STPG2: variants seen among roughly 807,000 people sequenced by gnomAD.
STPG2 encodes sperm tail PG-rich repeat containing 2.
In STPG2, 56 loss-of-function variants were observed where a neutral mutation model predicts 54.2. The observed-to-expected ratio is 1.03, with a 90% CI of 0.83 to 1.29. The LOEUF (loss-of-function observed/expected upper bound fraction) is 1.29, where lower values mean the gene tolerates loss of function less well. Among genes scored for constraint, STPG2 ranks in the 50% most tolerant of loss-of-function variants. The probability of loss-of-function intolerance (pLI) is 0.00; values close to 1 mark genes in which losing one functional copy is unlikely to be tolerated. For missense variants in STPG2, 596 were observed against 544.9 expected (o/e 1.09, Z -0.93); for synonymous variants, 200 against 181.8 (o/e 1.10, Z -0.81).
At position 98,134,459 on chromosome 4, in the gene STPG2, C is replaced by T; in HGVS notation, c.110G>A (p.Gly37Asp). The change falls in exon 2 of 11, where the codon GGT (glycine) becomes GAT (aspartate). Residue 37 changes from glycine to aspartate, a missense_variant and splice_region_variant. By Grantham distance (94) the Gly-to-Asp change is moderately conservative. Coordinates refer to ENST00000295268, the MANE Select transcript of STPG2 (RefSeq NM_174952.3). ...CAAAGAAAGAAATGGTGCATTACTA[C>T]CTATAAAAATAAAATCATATGACCA... ...QVPFLKQQAT[G>D]SNAPFLSLTA... 2 of 1,548,156 alleles carry T rather than the reference C, an allele frequency of 1.3e-6. No homozygotes were observed. Among genetic ancestry groups the T allele is most frequent in the Admixed American group, 3.7e-5 (2 of 53,700 alleles).
At chr4:97,940,316 T>A (rs1002721596) in intron 8 of STPG2, among the ~76,000 whole-genome samples, 1 of 152,210 alleles carries the variant, frequency 6.6e-6, no homozygotes, top group South Asian at 2.1e-4. Context: ...AGAAGTTATC[T>A]GTATTTTCTG....
chr4:97,653,155 T>A (rs569272753), intron 10 of STPG2, among the ~76,000 whole-genome samples: 1 of 152,094 alleles, frequency 6.6e-6, no homozygotes, highest in East Asian at 1.9e-4. Context: ...TCAGATTCAC[T>A]TCTATAGGCA....
At chr4:97,666,579 T>C (rs1310499494) in intron 10 of STPG2, among the ~76,000 whole-genome samples, 4 of 152,186 alleles carry the variant, frequency 2.6e-5, no homozygotes, top group African/African-American at 9.6e-5. Flanking sequence ...TCAAACATAT[T>C]TCCATTCTTC....
intron 8 of STPG2, among the ~76,000 whole-genome samples, chr4:97,915,454 G>A (rs914832656): frequency 6.6e-6 from 1 of 152,042 alleles, no homozygotes; most frequent in African/African-American, 2.4e-5. Flanking sequence ...CTCACATCTT[G>A]GATTCAGAGG....
At chr4:97,732,720 AG>A (rs1426714413) in intron 9 of STPG2, among the ~76,000 whole-genome samples, 1 of 151,800 alleles carries the variant, frequency 6.6e-6, no homozygotes, top group Non-Finnish European at 1.5e-5. Context: ...GAATCTAAAA[AG>A]AATTCAAACA....
rs551335385 is a variant in STPG2, at chr4:97,613,500, G to A, written c.1321-54383C>T. ...CGTGTGTGTGTGTGTGTGTGTGTGT[G>A]TGTGTGTGTGTGTGTGTGTATGCAC... On this transcript the variant is annotated intron_variant, in intron 10 of 10. Coordinates refer to ENST00000295268, the MANE Select transcript of STPG2 (RefSeq NM_174952.3). 8.5e-4 allele frequency among the ~76,000 whole-genome samples: 128 copies of A among 151,260 alleles called. No homozygotes were observed. The South Asian group carries it at 9.8e-3, about 12-fold the overall frequency.
intron 9 of STPG2, among the ~76,000 whole-genome samples, chr4:97,772,707 A>G (rs1467247442): frequency 6.6e-6 from 1 of 152,196 alleles, no homozygotes; most frequent in Non-Finnish European, 1.5e-5. Context: ...AATTCTTCTC[A>G]AAATTATAAC....
intron 4 of STPG2, among the ~76,000 whole-genome samples, chr4:97,499,763 T>C (rs1198365819): frequency 1.3e-5 from 2 of 151,694 alleles, no homozygotes; most frequent in Admixed American, 6.6e-5. Flanking sequence ...ACCATGTAGA[T>C]AGGTGGAGGT....
intron 3 of STPG2, among the ~76,000 whole-genome samples, chr4:98,127,637 C>T (rs1739866748): frequency 6.6e-6 from 1 of 152,166 alleles, no homozygotes; most frequent in South Asian, 2.1e-4. Context: ...GTTCGAAGTA[C>T]TATGTATTTC....
At chr4:97,444,554 A>T (rs928311135) in intron 4 of STPG2, among the ~76,000 whole-genome samples, 3 of 152,222 alleles carry the variant, frequency 2.0e-5, no homozygotes, top group African/African-American at 4.8e-5. Flanking sequence ...AAAAAGGGAA[A>T]AGAAATAAAG....
At chr4:97,524,680 T>C (rs1258305839) in intron 4 of STPG2, among the ~76,000 whole-genome samples, 2 of 151,962 alleles carry the variant, frequency 1.3e-5, no homozygotes. Context: ...AGCAATCCTC[T>C]TTTTTGGAGA....
chr4:97,884,879 G>A (rs972358387), intron 8 of STPG2, among the ~76,000 whole-genome samples: 2 of 151,830 alleles, frequency 1.3e-5, no homozygotes, highest in Non-Finnish European at 2.9e-5. Flanking sequence ...TCCTTCTCAC[G>A]GTTCAAATTT....
At chr4:97,597,984 A>G (rs55717419) in intron 10 of STPG2, among the ~76,000 whole-genome samples, 16,492 of 152,070 alleles carry the variant, frequency 0.11, 2,654 homozygotes, top group African/African-American at 0.36. Flanking sequence ...TAGAAAATCA[A>G]TCATCTCTGT....
intron 10 of STPG2, among the ~76,000 whole-genome samples, chr4:97,592,191 G>T (rs759069312): frequency 4.6e-5 from 7 of 151,638 alleles, no homozygotes; most frequent in Non-Finnish European, 5.9e-5. Context: ...TACCATACTG[G>T]GACTGGAGAA....
intron 4 of STPG2, among the ~76,000 whole-genome samples, chr4:97,472,706 G>A (rs1729967002): frequency 6.6e-6 from 1 of 152,060 alleles, no homozygotes; most frequent in African/African-American, 2.4e-5. Context: ...AGACAAGGAG[G>A]AGCCCTAAAT....
At chr4:97,944,121 G>A in intron 7 of STPG2, 114 bp from the exon 8 acceptor site, 4 of 668,342 alleles carry the variant, frequency 6.0e-6, no homozygotes, top group Non-Finnish European at 1.0e-5. Context: ...ATTAAATAAA[G>A]ACACATATTC....
intron 8 of STPG2, among the ~76,000 whole-genome samples, chr4:97,924,475 T>A (rs930823751): frequency 6.6e-6 from 1 of 152,256 alleles, no homozygotes; most frequent in Admixed American, 6.5e-5. Flanking sequence ...AAAATTTTAA[T>A]ATTCTGAATT....
At chr4:98,110,800 C>G (rs912737316) in intron 3 of STPG2, among the ~76,000 whole-genome samples, 1 of 152,018 alleles carries the variant, frequency 6.6e-6, no homozygotes, top group Non-Finnish European at 1.5e-5. Context: ...GGATTTGTAA[C>G]CGCTAAGTTG....
At chr4:97,808,690 C>CA (rs1727645965) in intron 9 of STPG2, among the ~76,000 whole-genome samples, 2 of 96,096 alleles carry the variant, frequency 2.1e-5, no homozygotes, top group South Asian at 3.2e-4. Flanking sequence ...TATAAAAAGA[C>CA]AAAAACCAAA....
Sources: gnomAD v4.1 joint callset for allele counts (sites outside exome capture counted in the v4.1 genomes callset) on GRCh38, gnomAD v4.1.1 for gene constraint, MANE v1.5 for transcripts, NCBI Gene and HGNC (gene_info 2026-07-23, HGNC 2026-07-21) for gene names.